Variants in KIF6 observed in about 807,000 individuals in gnomAD.
KIF6 encodes kinesin-like protein KIF6.
In KIF6, 106 loss-of-function variants were observed where a neutral mutation model predicts 112.7. That is an observed-to-expected ratio of 0.94 (90% CI 0.80 to 1.11). The LOEUF is 1.11. Among genes scored for constraint, KIF6 ranks in the 50% least tolerant of loss-of-function variants. The pLI is 0.00. For synonymous variants in KIF6, 339 were observed against 339.9 expected (o/e 1.00, Z 0.03); for missense variants, 929 against 964.0 (o/e 0.96, Z 0.48).
chr6:39,659,608 G>C (rs1017093617), intron 3 of KIF6, among the ~76,000 whole-genome samples: 2 of 152,152 alleles, frequency 1.3e-5, no homozygotes, highest in African/African-American at 4.8e-5. Context: ...TCTTATGACA[G>C]TGAATGAGTT....
In KIF6 at chr6:39,683,052, C is replaced by G. The variant is rs536208908; in HGVS notation, c.251+31640G>C. ...ACAAAAGAAAGCTGCTGAGCCTGGG[C>G]AAAGGAAAGGAAAAGGTAGGTCTGA... On this transcript the variant is annotated intron_variant, in intron 3 of 22. Coordinates refer to ENST00000287152, the MANE Select transcript of KIF6 (RefSeq NM_145027.6). 7.2e-5 allele frequency among the ~76,000 whole-genome samples: 11 copies of G among 152,210 alleles called. No homozygotes were observed. In the South Asian group the frequency reaches 2.3e-3, roughly 32 times the overall value.
At chr6:39,638,725 A>G (rs544319071) in intron 4 of KIF6, among the ~76,000 whole-genome samples, 2 of 152,252 alleles carry the variant, frequency 1.3e-5, no homozygotes, top group Admixed American at 6.6e-5. Flanking sequence ...TAAGACATGT[A>G]TTATACAGAA....
chr6:39,390,093 A>AAATCCCAG (rs1169095628), intron 15 of KIF6, among the ~76,000 whole-genome samples: 3 of 152,054 alleles, frequency 2.0e-5, no homozygotes, highest in Non-Finnish European at 2.9e-5. Context: ...AGTTGAGTTC[A>AAATCCCAG]AATCCCAGTT....
At chr6:39,432,932 A>G (rs1771263682) in intron 13 of KIF6, among the ~76,000 whole-genome samples, 1 of 152,046 alleles carries the variant, frequency 6.6e-6, no homozygotes, top group African/African-American at 2.4e-5. Flanking sequence ...TCCCCCCCGC[A>G]GGGGAGCTGA....
chr6:39,584,672 C>T (rs181941646), intron 9 of KIF6, among the ~76,000 whole-genome samples: 43 of 152,078 alleles, frequency 2.8e-4, no homozygotes, highest in African/African-American at 6.7e-4. Context: ...CTTATTAGCA[C>T]TTATGACTCT....
chr6:39,468,183 A>G (rs1339863681), intron 13 of KIF6, among the ~76,000 whole-genome samples: 1 of 152,108 alleles, frequency 6.6e-6, no homozygotes, highest in Non-Finnish European at 1.5e-5. Flanking sequence ...AAGAAAAAAA[A>G]AAGAATAAAG....
chr6:39,545,365 A>G (rs1779012767), intron 11 of KIF6, among the ~76,000 whole-genome samples: 1 of 152,228 alleles, frequency 6.6e-6, no homozygotes, highest in Non-Finnish European at 1.5e-5. Context: ...TCCTGACAAA[A>G]GAATTAGAAG....
chr6:39,680,930 C>CAGG lies in KIF6; in HGVS notation c.251+33759_251+33761dup. Among the ~76,000 whole-genome samples, 3 of 152,160 alleles carry CAGG rather than the reference C, an allele frequency of 2.0e-5. 1 individual carries two copies. The East Asian group carries it at 5.8e-4, about 29-fold the overall frequency. The stretch of plus-strand genomic sequence containing the variant: ...GCTTGTCTTTAGTATGGTCAGTGTA[C>CAGG]AGGACACAGGCAGATAAATACAATT... On this transcript the variant is annotated intron_variant, in intron 3 of 22. Transcript: ENST00000287152.
intron 15 of KIF6, among the ~76,000 whole-genome samples, chr6:39,395,666 A>G (rs1768213234): frequency 6.6e-6 from 1 of 152,164 alleles, no homozygotes. Context: ...TTATATCCCC[A>G]GAAGTAGCCC....
chr6:39,431,701 G>T lies in KIF6; in HGVS notation c.1646-540C>A, dbSNP rs551069771. The stretch of plus-strand genomic sequence containing the variant: ...TCAGGAGTTAGGTCCTCAGTTACAA[G>T]ACTCATGAGCTGGCCATGGCAGGGG... On this transcript the variant is annotated intron_variant, in intron 13 of 22. Coordinates refer to ENST00000287152, the MANE Select transcript of KIF6 (RefSeq NM_145027.6). 6.6e-5 allele frequency among the ~76,000 whole-genome samples: 10 copies of T among 152,268 alleles called. No homozygotes were observed. In the East Asian group the frequency reaches 1.9e-3, roughly 29 times the overall value.
At chr6:39,644,138 A>C (rs1412344215) in intron 3 of KIF6, among the ~76,000 whole-genome samples, 3 of 144,222 alleles carry the variant, frequency 2.1e-5, no homozygotes, top group African/African-American at 8.2e-5. Flanking sequence ...ATGCAATTTC[A>C]CACCCACTAG....
chr6:39,720,955 C>A, intron 1 of KIF6, 144 bp from the exon 2 acceptor site: 1 of 572,982 alleles, frequency 1.7e-6, no homozygotes, highest in Non-Finnish European at 3.1e-6. Context: ...AATAATTTTT[C>A]TCTTTGAACT....
At chr6:39,570,304 A>G (rs955952677) in intron 10 of KIF6, among the ~76,000 whole-genome samples, 1 of 152,206 alleles carries the variant, frequency 6.6e-6, no homozygotes, top group South Asian at 2.1e-4. Context: ...GGTAGAGACC[A>G]GGTCTGGGGA....
chr6:39,710,391 T>C (rs1035213157), intron 3 of KIF6, among the ~76,000 whole-genome samples: 5 of 150,062 alleles, frequency 3.3e-5, no homozygotes, highest in African/African-American at 1.2e-4. Context: ...GAATCACCAG[T>C]ATCTGAGGGA....
At chr6:39,400,268 A>G (rs1768591210) in intron 15 of KIF6, among the ~76,000 whole-genome samples, 1 of 152,210 alleles carries the variant, frequency 6.6e-6, no homozygotes, top group African/African-American at 2.4e-5. Context: ...TATAAAGGCG[A>G]GCAAGAGGCA....
chr6:39,617,691 G>A (rs780788342), intron 5 of KIF6: 58 of 454,760 alleles, frequency 1.3e-4, no homozygotes, highest in Middle Eastern at 3.3e-4. Flanking sequence ...TCCAATAGAT[G>A]GCAGAGGTGC....
intron 3 of KIF6, among the ~76,000 whole-genome samples, chr6:39,694,978 C>A (rs1483810345): frequency 1.3e-5 from 2 of 152,044 alleles, no homozygotes; most frequent in Non-Finnish European, 2.9e-5. Flanking sequence ...GACACACAGG[C>A]CAATGGAATA....
At chr6:39,642,533 G>C (rs2150773639) in intron 3 of KIF6, among the ~76,000 whole-genome samples, 1 of 152,172 alleles carries the variant, frequency 6.6e-6, no homozygotes, top group South Asian at 2.1e-4. Flanking sequence ...GAGCTCTCTG[G>C]AAAAGCTCCA....
At chr6:39,590,274 T>C (rs1781860298) in intron 7 of KIF6, among the ~76,000 whole-genome samples, 1 of 152,066 alleles carries the variant, frequency 6.6e-6, no homozygotes, top group Non-Finnish European at 1.5e-5. Flanking sequence ...ACTTTGAAGT[T>C]CTTATATAAA....
Sources: gnomAD v4.1 joint callset for allele counts (sites outside exome capture counted in the v4.1 genomes callset) on GRCh38, gnomAD v4.1.1 for gene constraint, MANE v1.5 for transcripts, NCBI Gene and HGNC (gene_info 2026-07-23, HGNC 2026-07-21) for gene names.